SLC6A11: variants seen among roughly 807,000 people sequenced by gnomAD.
SLC6A11 encodes solute carrier family 6 member 11.
In SLC6A11, 25 loss-of-function variants were observed where a neutral mutation model predicts 74.8. That is an observed-to-expected ratio of 0.33 (90% confidence interval 0.24 to 0.47). The LOEUF (loss-of-function observed/expected upper bound fraction) is 0.47. Ranked by LOEUF, SLC6A11 falls within the 20% of genes least tolerant of loss-of-function variation. SLC6A11 has a pLI of 1.00. For missense variants in SLC6A11, 574 were observed against 837.0 expected (o/e 0.69, Z 3.88); for synonymous variants, 330 against 330.2 (o/e 1.00, Z 0.01).
At chr3:10,925,398 T>C (rs1206124269) in intron 8 of SLC6A11, among the ~76,000 whole-genome samples, 1 of 152,254 alleles carries the variant, frequency 6.6e-6, no homozygotes. Flanking sequence ...GCCTGTGCTG[T>C]TGACCACTGT....
At chr3:10,858,665 A>T (rs1195478218) in intron 5 of SLC6A11, among the ~76,000 whole-genome samples, 1 of 152,220 alleles carries the variant, frequency 6.6e-6, no homozygotes, top group Non-Finnish European at 1.5e-5. Context: ...TTAGCGAGGT[A>T]CAGTAACCTG....
At chr3:10,875,196 C>A in intron 6 of SLC6A11, 101 bp downstream of exon 6, 1 of 1,022,934 alleles carries the variant, frequency 9.8e-7, no homozygotes, top group Non-Finnish European at 1.4e-6. Flanking sequence ...GCTGGTTGAA[C>A]AGTGGAAAGC....
chr3:10,933,886 G>A (rs905451936), intron 11 of SLC6A11, 180 bp from the exon 12 acceptor site: 17 of 516,860 alleles, frequency 3.3e-5, no homozygotes, highest in Non-Finnish European at 6.0e-5. Flanking sequence ...CCCTCCTGCT[G>A]CTCTTTATTC....
At chr3:10,925,595 C>T (rs1440493061) in intron 8 of SLC6A11, among the ~76,000 whole-genome samples, 6 of 152,220 alleles carry the variant, frequency 3.9e-5, no homozygotes, top group South Asian at 2.1e-4. Flanking sequence ...ACCCGACCTA[C>T]GTACACCACA....
chr3:10,885,825 A>C (rs949838163), intron 6 of SLC6A11, among the ~76,000 whole-genome samples: 2 of 151,936 alleles, frequency 1.3e-5, no homozygotes, highest in Non-Finnish European at 1.5e-5. Context: ...CAGGGTCTCT[A>C]TTCTACTCAT....
chr3:10,932,508 G>A (rs929843369), intron 10 of SLC6A11, among the ~76,000 whole-genome samples: 1 of 152,136 alleles, frequency 6.6e-6, no homozygotes, highest in African/African-American at 2.4e-5. Flanking sequence ...GAAAGAATGA[G>A]ACCATTAGAA....
intron 3 of SLC6A11, 138 bp downstream of exon 3, chr3:10,819,990 G>C: frequency 1.1e-6 from 1 of 873,348 alleles, no homozygotes; most frequent in Admixed American, 2.5e-5. Flanking sequence ...GCTGAAACTG[G>C]GGTCAGCTCT....
At chr3:10,845,916 A>G (rs962847195) in intron 5 of SLC6A11, among the ~76,000 whole-genome samples, 3 of 152,170 alleles carry the variant, frequency 2.0e-5, no homozygotes, top group Non-Finnish European at 4.4e-5. Flanking sequence ...TGCCTCTTCC[A>G]GGAAAAAAGC....
intron 4 of SLC6A11, among the ~76,000 whole-genome samples, chr3:10,841,357 C>T (rs1694435060): frequency 6.6e-6 from 1 of 152,122 alleles, no homozygotes; most frequent in Admixed American, 6.5e-5. Context: ...GAGTTGAGTG[C>T]CCCAGCCCCC....
chr3:10,839,356 C>G (rs1364845031), intron 4 of SLC6A11, among the ~76,000 whole-genome samples: 1 of 152,160 alleles, frequency 6.6e-6, no homozygotes. Context: ...ACTCTAAGAC[C>G]AAACAGTGGC....
chr3:10,935,571 G>A lies in SLC6A11; in HGVS notation c.1746+372G>A, dbSNP rs187178437. On this transcript the variant is annotated intron_variant, in intron 13 of 13. Transcript: ENST00000254488. ...CTGTTTTGTGAATCCCAATCATTCTGACCTGTCACTGTGCCAGGCCGTCTA... is the reference window on the plus strand; with the variant it reads ...CTGTTTTGTGAATCCCAATCATTCTAACCTGTCACTGTGCCAGGCCGTCTA... Among the ~76,000 whole-genome samples the A allele has an allele frequency of 2.3e-3, 357 of 152,280 alleles. 2 individuals carry two copies. The highest frequency in any genetic ancestry group is 3.8e-3 in the Non-Finnish European group (260 of 68,022).
chr3:10,872,080 A>G (rs4684742), intron 5 of SLC6A11, among the ~76,000 whole-genome samples: 67,872 of 152,054 alleles, frequency 0.45, 15,862 homozygotes, highest in East Asian at 0.64. Flanking sequence ...TCTAAAATGG[A>G]AAAATAACAC....
At chr3:10,898,459 A>G (rs1695197383) in intron 6 of SLC6A11, among the ~76,000 whole-genome samples, 1 of 152,196 alleles carries the variant, frequency 6.6e-6, no homozygotes, top group Non-Finnish European at 1.5e-5. Flanking sequence ...CTGCTTAGAA[A>G]TTTCTTCCAC....
chr3:10,883,471 T>C (rs563270885), intron 6 of SLC6A11, among the ~76,000 whole-genome samples: 10 of 152,288 alleles, frequency 6.6e-5, no homozygotes, highest in Non-Finnish European at 1.2e-4. Flanking sequence ...CTCCGGGCAC[T>C]GGTGCACCAG....
chr3:10,857,810 A>G (rs1181129643), intron 5 of SLC6A11, among the ~76,000 whole-genome samples: 3 of 152,236 alleles, frequency 2.0e-5, no homozygotes, highest in African/African-American at 7.2e-5. Flanking sequence ...GCCTGCACAG[A>G]TAAGTTCAAG....
chr3:10,872,240 T>G (rs1694836179), intron 5 of SLC6A11, among the ~76,000 whole-genome samples: 1 of 152,206 alleles, frequency 6.6e-6, no homozygotes, highest in African/African-American at 2.4e-5. Flanking sequence ...AAGTTATGAG[T>G]AACTTCTCTG....
At chr3:10,865,121 G>T (rs180914168) in intron 5 of SLC6A11, among the ~76,000 whole-genome samples, 200 of 152,328 alleles carry the variant, frequency 1.3e-3, no homozygotes, top group Non-Finnish European at 2.5e-3. Context: ...GCACAGTGAT[G>T]GTGAGTAAAG....
intron 4 of SLC6A11, among the ~76,000 whole-genome samples, chr3:10,838,696 C>T (rs546148354): frequency 7.9e-4 from 121 of 152,310 alleles, no homozygotes; most frequent in African/African-American, 2.8e-3. Context: ...TTGCAGCGAG[C>T]TGAGATTGTA....
In SLC6A11 at chr3:10,822,555, G is replaced by A. The variant is rs1694152263; in HGVS notation, c.533-747G>A. Among the ~76,000 whole-genome samples the A allele has an allele frequency of 2.0e-5, 3 of 152,276 alleles. No homozygotes were observed. In the South Asian group the frequency reaches 6.2e-4, roughly 32 times the overall value. ...AGGGAGTTGGAAAAGTTGGTTGCTTGGAGGGCCTTTGAATTCTTGCTTTCT... is the reference window on the plus strand; with the variant it reads ...AGGGAGTTGGAAAAGTTGGTTGCTTAGAGGGCCTTTGAATTCTTGCTTTCT... On this transcript the variant is annotated intron_variant, in intron 3 of 13. Coordinates refer to ENST00000254488, the MANE Select transcript of SLC6A11 (RefSeq NM_014229.3).
Sources: allele counts gnomAD v4.1 joint callset (sites outside exome capture counted in the v4.1 genomes callset), GRCh38; gene constraint gnomAD v4.1.1; transcripts MANE v1.5; gene names NCBI Gene and HGNC (gene_info 2026-07-23, HGNC 2026-07-21).